The following SPATA16 variants were observed in gnomAD, a reference collection of about 807,000 sequenced individuals.
SPATA16 encodes spermatogenesis associated 16, also known as spermatogenesis-associated protein 16.
SPATA16 carries 36 observed loss-of-function variants against 63.3 expected under a neutral mutation model. That is an observed-to-expected ratio of 0.57 (90% CI 0.44 to 0.75). The LOEUF is 0.75. Ranked by LOEUF, SPATA16 falls within the 30% of genes least tolerant of loss-of-function variation. SPATA16 has a pLI of 0.00. For missense variants in SPATA16, 646 were observed against 679.3 expected (o/e 0.95, Z 0.54); for synonymous variants, 203 against 216.7 (o/e 0.94, Z 0.56).
At chr3:172,971,082 C>A (rs1734036353) in intron 5 of SPATA16, among the ~76,000 whole-genome samples, 1 of 152,062 alleles carries the variant, frequency 6.6e-6, no homozygotes, top group African/African-American at 2.4e-5. Context: ...ACTTGCTGCT[C>A]CCTTGATTGT....
chr3:172,950,017 C>T (rs553117008), intron 6 of SPATA16, among the ~76,000 whole-genome samples: 2 of 152,302 alleles, frequency 1.3e-5, no homozygotes, highest in Admixed American at 1.3e-4. Flanking sequence ...TACCTCAACT[C>T]ATGGGTTTTC....
chr3:173,125,223 T>G (rs1738196387), intron 1 of SPATA16, among the ~76,000 whole-genome samples: 1 of 152,082 alleles, frequency 6.6e-6, no homozygotes, highest in Non-Finnish European at 1.5e-5. Flanking sequence ...TTAATCCCTA[T>G]CCTACCATCC....
chr3:172,895,482 T>C (rs757257758), intron 10 of SPATA16, among the ~76,000 whole-genome samples: 16 of 152,050 alleles, frequency 1.1e-4, no homozygotes, highest in Non-Finnish European at 1.8e-4. Context: ...ATTACAGGCA[T>C]GTGCCACCAC....
At chr3:172,970,025 A>G (rs1038440778) in intron 5 of SPATA16, among the ~76,000 whole-genome samples, 1 of 152,150 alleles carries the variant, frequency 6.6e-6, no homozygotes, top group Non-Finnish European at 1.5e-5. Flanking sequence ...CAACTAGTCA[A>G]ATTTGAGCCA....
intron 4 of SPATA16, among the ~76,000 whole-genome samples, chr3:172,988,759 C>T (rs1734509957): frequency 6.6e-6 from 1 of 152,160 alleles, no homozygotes; most frequent in Admixed American, 6.5e-5. Context: ...GCCTCAGCCT[C>T]CCGAGTAGCT....
intron 2 of SPATA16, among the ~76,000 whole-genome samples, chr3:173,082,670 C>T (rs1736953626): frequency 6.6e-6 from 1 of 152,146 alleles, no homozygotes; most frequent in South Asian, 2.1e-4. Context: ...GTTGTGGGCT[C>T]CAGATGGGCA....
intron 8 of SPATA16, among the ~76,000 whole-genome samples, chr3:172,920,894 G>A (rs1449115976): frequency 6.6e-6 from 1 of 151,944 alleles, no homozygotes; most frequent in East Asian, 1.9e-4. Flanking sequence ...CATCTTTTGG[G>A]TCTCCTGCTG....
Position 172,913,643 on chromosome 3 carries a change from T to C in SPATA16, c.1587+18A>G. 1 of 1,610,642 alleles carries C rather than the reference T, an allele frequency of 6.2e-7. No individual in the cohort carries two copies. Among genetic ancestry groups the C allele is most frequent in the African/African-American group, 1.3e-5 (1 of 75,004 alleles). ...CTTTGAGAATAATAGATCTTTTTCC[T>C]TCAGCTCAAAGTTTTACCTTTTGGA... On this transcript the variant is annotated intron_variant, in intron 10 of 10. Coordinates refer to ENST00000351008, the MANE Select transcript of SPATA16 (RefSeq NM_031955.6).
chr3:172,921,104 G>A (rs538524797), intron 8 of SPATA16, among the ~76,000 whole-genome samples: 33 of 143,318 alleles, frequency 2.3e-4, no homozygotes, highest in Non-Finnish European at 4.1e-4. Context: ...GTCTCACTAC[G>A]TTGTCCAGGC....
chr3:173,032,461 T>A (rs1735627546), intron 3 of SPATA16, among the ~76,000 whole-genome samples: 1 of 152,090 alleles, frequency 6.6e-6, no homozygotes, highest in Admixed American at 6.6e-5. Context: ...AAAATTTGAG[T>A]ATGACATTAC....
chr3:172,994,394 C>A (rs1734651322), intron 4 of SPATA16, among the ~76,000 whole-genome samples: 6 of 152,096 alleles, frequency 3.9e-5, no homozygotes, highest in Admixed American at 6.6e-5. Context: ...GAAACCAGGG[C>A]AGATAGGTCC....
intron 3 of SPATA16, among the ~76,000 whole-genome samples, chr3:173,032,677 G>C (rs1735632404): frequency 6.6e-6 from 1 of 152,116 alleles, no homozygotes; most frequent in Non-Finnish European, 1.5e-5. Flanking sequence ...GATCTTTAGA[G>C]GCATGCAGTG....
intron 5 of SPATA16, among the ~76,000 whole-genome samples, chr3:172,971,354 CTCA>C (rs1734043804): frequency 6.6e-6 from 1 of 152,186 alleles, no homozygotes; most frequent in Admixed American, 6.5e-5. Context: ...CCAAAATATT[CTCA>C]TGTCAAATGT....
intron 10 of SPATA16, among the ~76,000 whole-genome samples, chr3:172,898,240 G>A (rs1227699010): frequency 6.6e-6 from 1 of 151,864 alleles, no homozygotes; most frequent in African/African-American, 2.4e-5. Context: ...TTGGTACTGG[G>A]ATAATACTAG....
chr3:173,074,017 G>T (rs1409557483), intron 2 of SPATA16, among the ~76,000 whole-genome samples: 1 of 152,200 alleles, frequency 6.6e-6, no homozygotes, highest in African/African-American at 2.4e-5. Context: ...AGATTTGACT[G>T]CCCTGCTGGA....
intron 2 of SPATA16, among the ~76,000 whole-genome samples, chr3:173,108,138 A>C (rs757624056): frequency 3.2e-4 from 48 of 152,290 alleles, no homozygotes; most frequent in East Asian, 5.8e-4. Flanking sequence ...CCTATGGATT[A>C]ATTGTTCATT....
chr3:172,966,083 A>G (rs1392877895), intron 5 of SPATA16, among the ~76,000 whole-genome samples: 2 of 152,220 alleles, frequency 1.3e-5, no homozygotes, highest in African/African-American at 4.8e-5. Context: ...AATGCAATGG[A>G]CTTGTCAAAA....
rs13085169 is a variant in SPATA16 at position 173,093,546 on chromosome 3, T to C, written c.612+23574A>G. 3.1e-3 allele frequency among the ~76,000 whole-genome samples: 474 copies of C among 152,226 alleles called. 1 individual carries two copies. Among genetic ancestry groups the C allele is most frequent in the Non-Finnish European group, 5.4e-3 (368 of 68,006 alleles). On this transcript the variant is annotated intron_variant, in intron 2 of 10. Transcript: ENST00000351008. ...ACAATAAAAAAGTTTTGAATGACAT[T>C]GAATGAAGAAATAAAAACTTCTAAA...
intron 4 of SPATA16, among the ~76,000 whole-genome samples, chr3:173,014,129 A>G (rs1735129579): frequency 6.6e-6 from 1 of 152,200 alleles, no homozygotes; most frequent in African/African-American, 2.4e-5. Flanking sequence ...AGACACATAC[A>G]CTTGTATGTT....
Sources: allele counts gnomAD v4.1 joint callset (sites outside exome capture counted in the v4.1 genomes callset), GRCh38; gene constraint gnomAD v4.1.1; transcripts MANE v1.5; gene names NCBI Gene and HGNC (gene_info 2026-07-23, HGNC 2026-07-21).